The following CAPZB variants were observed in gnomAD, a reference collection of about 807,000 sequenced individuals.
CAPZB encodes F-actin-capping protein subunit beta.
In CAPZB, 2 loss-of-function variants were observed where a neutral mutation model predicts 38.1. The observed-to-expected ratio is 0.05, with a 90% CI of 0.02 to 0.17. The LOEUF (loss-of-function observed/expected upper bound fraction) is 0.17. CAPZB is among the 10% of genes least tolerant of loss of function. CAPZB has a pLI of 1.00. For synonymous variants in CAPZB, 107 were observed against 127.4 expected (o/e 0.84, Z 1.08); for missense variants, 161 against 334.2 (o/e 0.48, Z 4.04).
At chr1:19,420,964 A>T (rs2094399062) in intron 1 of CAPZB, among the ~76,000 whole-genome samples, 1 of 152,214 alleles carries the variant, frequency 6.6e-6, no homozygotes, top group Non-Finnish European at 1.5e-5. Flanking sequence ...TCAGGAGATG[A>T]GACAAGAAAT....
At chr1:19,368,515 C>T (rs868762175) in intron 4 of CAPZB, among the ~76,000 whole-genome samples, 4 of 124,960 alleles carry the variant, frequency 3.2e-5, no homozygotes, top group African/African-American at 1.2e-4. Context: ...AAAAAAAAAA[C>T]GGTGGAGAGA....
At chr1:19,403,715 T>C (rs1289166830) in intron 2 of CAPZB, among the ~76,000 whole-genome samples, 1 of 152,210 alleles carries the variant, frequency 6.6e-6, no homozygotes, top group East Asian at 1.9e-4. Context: ...GGAGGAGCAG[T>C]AGCAATAAAC....
intron 7 of CAPZB, among the ~76,000 whole-genome samples, 192 bp from the exon 8 acceptor site, chr1:19,344,626 A>G (rs1359091291): frequency 6.6e-6 from 1 of 152,154 alleles, no homozygotes; most frequent in African/African-American, 2.4e-5. Context: ...GCACCTTCCC[A>G]TCCACAGTCC....
intron 2 of CAPZB, among the ~76,000 whole-genome samples, chr1:19,390,451 G>T (rs1273499050): frequency 6.6e-6 from 1 of 152,240 alleles, no homozygotes; most frequent in Admixed American, 6.5e-5. Flanking sequence ...AACACCAAAG[G>T]TGTCAGACCA....
chr1:19,443,832 G>C (rs2094487144), intron 1 of CAPZB, among the ~76,000 whole-genome samples: 2 of 152,168 alleles, frequency 1.3e-5, no homozygotes, highest in African/African-American at 4.8e-5. Flanking sequence ...GGGACTCAAA[G>C]CCTTCTGGGG....
At position 19,390,101 on chromosome 1, in the gene CAPZB, C is replaced by T. The variant is rs186743256; in HGVS notation, c.94-4475G>A. ...AATCCTGTGGTCTGAGGCCATATTA[C>T]AGAACCAGAATGAAGGCAGTGTATC... On this transcript the variant is annotated intron_variant, in intron 2 of 8. Transcript: ENST00000264202. Among the ~76,000 whole-genome samples, 106 of 152,338 alleles carry T rather than the reference C, an allele frequency of 7.0e-4. 2 individuals carry two copies. Among genetic ancestry groups the T allele is most frequent in the Admixed American group, 6.9e-3 (106 of 15,302 alleles).
At chr1:19,452,176 T>TCCTGCC (rs1209681448) in intron 1 of CAPZB, among the ~76,000 whole-genome samples, 6 of 151,940 alleles carry the variant, frequency 3.9e-5, no homozygotes, top group Non-Finnish European at 8.8e-5. Context: ...CCCAGCCTGC[T>TCCTGCC]CCTGCCCCCG....
At chr1:19,351,670 G>C (rs1400037838) in intron 6 of CAPZB, among the ~76,000 whole-genome samples, 1 of 152,190 alleles carries the variant, frequency 6.6e-6, no homozygotes, top group African/African-American at 2.4e-5. Flanking sequence ...GAAAGTTCCT[G>C]AGCTAGGATC....
intron 6 of CAPZB, among the ~76,000 whole-genome samples, chr1:19,345,469 C>A (rs1230360901): frequency 6.6e-6 from 1 of 152,224 alleles, no homozygotes; most frequent in Middle Eastern, 3.2e-3. Context: ...GCCCAGAGTC[C>A]CACTTCCAAG....
intron 2 of CAPZB, among the ~76,000 whole-genome samples, chr1:19,386,464 T>C (rs958751338): frequency 6.6e-6 from 1 of 152,248 alleles, no homozygotes; most frequent in Non-Finnish European, 1.5e-5. Flanking sequence ...ATTTGTTTCA[T>C]GGGCCTGGGT....
intron 1 of CAPZB, among the ~76,000 whole-genome samples, chr1:19,464,842 G>A (rs553822830): frequency 2.6e-5 from 4 of 152,154 alleles, no homozygotes; most frequent in African/African-American, 7.2e-5. Context: ...AGGCAAAACC[G>A]CGGTGACAAA....
chr1:19,438,086 A>G (rs1173135050), intron 1 of CAPZB, among the ~76,000 whole-genome samples: 1 of 152,062 alleles, frequency 6.6e-6, no homozygotes, highest in Non-Finnish European at 1.5e-5. Context: ...ACTACCTCCT[A>G]CGTCAGGGGA....
chr1:19,438,550 C>A (rs997119853), intron 1 of CAPZB, among the ~76,000 whole-genome samples: 3 of 152,146 alleles, frequency 2.0e-5, no homozygotes, highest in Non-Finnish European at 4.4e-5. Flanking sequence ...AGGAGTGGAC[C>A]AAGGGGCTCT....
Position 19,467,333 on chromosome 1 carries a change from A to G in CAPZB, c.3+18103T>C, listed in dbSNP as rs575231608. Among the ~76,000 whole-genome samples, 26 of 152,350 alleles carry G rather than the reference A, an allele frequency of 1.7e-4. No homozygotes were observed. The East Asian group carries it at 4.8e-3, about 28-fold the overall frequency. ...GCAGGCTAAAGCAAGAAGGAATAAAAGGAAAGATAAAGCAAACAGAAGGGA... is the reference window on the plus strand; with the variant it reads ...GCAGGCTAAAGCAAGAAGGAATAAAGGGAAAGATAAAGCAAACAGAAGGGA... On this transcript the variant is annotated intron_variant, in intron 1 of 8. Transcript: ENST00000264202.
intron 2 of CAPZB, among the ~76,000 whole-genome samples, chr1:19,393,644 G>C (rs894579608): frequency 1.3e-5 from 2 of 152,212 alleles, no homozygotes; most frequent in Admixed American, 6.5e-5. Flanking sequence ...TCAGGGGACA[G>C]GGGAGGAAAA....
intron 8 of CAPZB, chr1:19,342,906 A>G: frequency 1.6e-6 from 2 of 1,230,404 alleles, no homozygotes; most frequent in Non-Finnish European, 2.4e-6. Flanking sequence ...GAGGGAAGAG[A>G]ACGACGAGAA....
At chr1:19,346,394 G>T (rs2093960548) in intron 6 of CAPZB, among the ~76,000 whole-genome samples, 1 of 132,950 alleles carries the variant, frequency 7.5e-6, no homozygotes, top group Non-Finnish European at 1.5e-5. Flanking sequence ...AATCTGCTTA[G>T]ACATTATTTA....
intron 1 of CAPZB, among the ~76,000 whole-genome samples, chr1:19,468,094 C>T (rs1053530179): frequency 6.6e-6 from 1 of 152,150 alleles, no homozygotes; most frequent in South Asian, 2.1e-4. Flanking sequence ...CAGAGTGAGA[C>T]CCCGCCTCCT....
At chr1:19,370,963 A>G (rs1040001706) in intron 4 of CAPZB, among the ~76,000 whole-genome samples, 2 of 152,096 alleles carry the variant, frequency 1.3e-5, no homozygotes, top group African/African-American at 4.8e-5. Context: ...CATGGGCCCC[A>G]TGAGGGAGGG....
Sources: allele counts gnomAD v4.1 joint callset (sites outside exome capture counted in the v4.1 genomes callset), GRCh38; gene constraint gnomAD v4.1.1; transcripts MANE v1.5; gene names NCBI Gene and HGNC (gene_info 2026-07-23, HGNC 2026-07-21).